ANXA10: variants seen among roughly 807,000 people sequenced by gnomAD.
The protein encoded by ANXA10 is annexin A10.
ANXA10 carries 49 observed loss-of-function variants against 53.5 expected under a neutral mutation model. The ratio of observed to expected loss-of-function variants is 0.92; its 90% CI spans 0.73 to 1.16. The LOEUF (loss-of-function observed/expected upper bound fraction) is 1.16, where lower values mean the gene tolerates loss of function less well. ANXA10 is among the 50% of genes most tolerant of loss of function. The pLI is 0.00. For synonymous variants in ANXA10, 131 were observed against 128.9 expected, an observed-to-expected ratio of 1.02 and a Z score of -0.11; for missense variants, 393 against 394.4, an observed-to-expected ratio of 1.00 and a Z score of 0.03.
intron 1 of ANXA10, among the ~76,000 whole-genome samples, chr4:168,112,505 C>G (rs1458457535): frequency 1.3e-5 from 2 of 152,142 alleles, no homozygotes; most frequent in Non-Finnish European, 2.9e-5. Context: ...ACAATGAGAT[C>G]ATAAATGATT....
chr4:168,124,425 T>C (rs780539244), intron 1 of ANXA10, among the ~76,000 whole-genome samples: 1 of 152,150 alleles, frequency 6.6e-6, no homozygotes, highest in African/African-American at 2.4e-5. Context: ...AAATAAAATA[T>C]GAAACTATCC....
chr4:168,112,483 G>A (rs540501908), intron 1 of ANXA10, among the ~76,000 whole-genome samples: 34 of 152,220 alleles, frequency 2.2e-4, no homozygotes, highest in Admixed American at 3.3e-4. Flanking sequence ...AATATTTAAC[G>A]ATAATTTGTA....
At chr4:168,157,544 G>A (rs981635088) in intron 3 of ANXA10, among the ~76,000 whole-genome samples, 26 of 152,250 alleles carry the variant, frequency 1.7e-4, no homozygotes, top group African/African-American at 5.3e-4. Flanking sequence ...GATTACAGGC[G>A]TAAGCCACCA....
rs575959287 is a variant in ANXA10, at chr4:168,096,534, T to C, written c.18+3816T>C. On this transcript the variant is annotated intron_variant, in intron 1 of 11. Transcript: ENST00000359299. ...AATATACCATTATAACAACCATAGA[T>C]TGGTTTTAATCTAGGGGCTGGGCAA... 3.3e-5 allele frequency among the ~76,000 whole-genome samples: 5 copies of C among 152,154 alleles called. No individual in the cohort carries two copies. The East Asian group carries it at 7.7e-4, about 24-fold the overall frequency.
At chr4:168,095,645 T>C (rs1332184624) in intron 1 of ANXA10, among the ~76,000 whole-genome samples, 2 of 152,168 alleles carry the variant, frequency 1.3e-5, no homozygotes, top group Non-Finnish European at 2.9e-5. Context: ...TACTAGATAT[T>C]CTACCCAAAT....
At chr4:168,157,714 A>T (rs1007005237) in intron 3 of ANXA10, among the ~76,000 whole-genome samples, 5 of 152,188 alleles carry the variant, frequency 3.3e-5, no homozygotes, top group African/African-American at 1.2e-4. Context: ...ATATAAATGT[A>T]ATCATGTCAT....
intron 3 of ANXA10, among the ~76,000 whole-genome samples, chr4:168,148,674 TAA>T (rs971232006): frequency 1.1e-4 from 16 of 152,218 alleles, no homozygotes; most frequent in African/African-American, 3.9e-4. Context: ...TGCCATTGTA[TAA>T]GTTAGTGTTT....
At chr4:168,103,143 C>T (rs1730667529) in intron 1 of ANXA10, among the ~76,000 whole-genome samples, 1 of 151,944 alleles carries the variant, frequency 6.6e-6, no homozygotes, top group Non-Finnish European at 1.5e-5. Context: ...TTTAACAGTG[C>T]TTTTCACCAA....
At chr4:168,177,149 C>T (rs1732146468) in intron 6 of ANXA10, among the ~76,000 whole-genome samples, 1 of 152,170 alleles carries the variant, frequency 6.6e-6, no homozygotes, top group African/African-American at 2.4e-5. Flanking sequence ...TCCTTCTCCC[C>T]ACTGGCCCTC....
chr4:168,109,558 T>C (rs1006337244), intron 1 of ANXA10, among the ~76,000 whole-genome samples: 16 of 152,166 alleles, frequency 1.1e-4, no homozygotes, highest in Admixed American at 1.0e-3. Context: ...GTTAGTATTA[T>C]TTTTTAAAAT....
chr4:168,134,446 G>A (rs924250529), intron 2 of ANXA10, among the ~76,000 whole-genome samples: 20 of 152,038 alleles, frequency 1.3e-4, no homozygotes, highest in Admixed American at 4.6e-4. Flanking sequence ...AATTCAGAGC[G>A]CTAGATTGTG....
chr4:168,133,096 T>C (rs534339037), intron 2 of ANXA10, among the ~76,000 whole-genome samples: 1 of 152,226 alleles, frequency 6.6e-6, no homozygotes, highest in South Asian at 2.1e-4. Flanking sequence ...GCAATCTATG[T>C]AGTGACACAA....
chr4:168,126,586 G>A lies in ANXA10; in HGVS notation c.19-1498G>A, dbSNP rs112204672. Among the ~76,000 whole-genome samples the A allele has an allele frequency of 2.3e-3, 354 of 152,140 alleles. 1 individual carries two copies. The highest frequency in any genetic ancestry group is 8.3e-3 in the African/African-American group (344 of 41,500). ...CGCTTATTCATTCATAGATGTGGTT[G>A]GGGGAAATTTACACCCTCTTATCTA... On this transcript the variant is annotated intron_variant, in intron 1 of 11. Transcript: ENST00000359299.
At chr4:168,133,770 A>G (rs890198967) in intron 2 of ANXA10, among the ~76,000 whole-genome samples, 1 of 152,134 alleles carries the variant, frequency 6.6e-6, no homozygotes, top group Non-Finnish European at 1.5e-5. Flanking sequence ...TTACTAATTC[A>G]GTGTTCATGG....
chr4:168,156,171 T>TTACATTATATATTA lies in ANXA10; in HGVS notation c.196-6355_196-6354insCATTATATATTATA, dbSNP rs1553957741. ...TAATATATATTATATATTATATATA[T>TTACATTATATATTA]TATATTATATATTATATATTATATA... On this transcript the variant is annotated intron_variant, in intron 3 of 11. Coordinates refer to ENST00000359299, the MANE Select transcript of ANXA10 (RefSeq NM_007193.5). Among the ~76,000 whole-genome samples the TTACATTATATATTA allele has an allele frequency of 1.6e-4, 5 of 31,238 alleles. No individual in the cohort carries two copies. The Admixed American group carries it at 2.7e-3, about 17-fold the overall frequency. 20.5% of individuals were successfully genotyped at this position (31,238 alleles called of 152,430 possible).
chr4:168,142,021 C>T (rs1032189800), intron 3 of ANXA10, among the ~76,000 whole-genome samples: 1 of 152,118 alleles, frequency 6.6e-6, no homozygotes, highest in African/African-American at 2.4e-5. Context: ...CAAATTGGTA[C>T]TTGTGCCTAT....
At chr4:168,134,203 T>A (rs1356547024) in intron 2 of ANXA10, among the ~76,000 whole-genome samples, 1 of 152,116 alleles carries the variant, frequency 6.6e-6, no homozygotes, top group Non-Finnish European at 1.5e-5. Context: ...TAAACCTTCT[T>A]GTCATTAGCA....
intron 2 of ANXA10, among the ~76,000 whole-genome samples, chr4:168,129,148 A>C (rs1731119254): frequency 1.3e-5 from 2 of 152,144 alleles, no homozygotes; most frequent in African/African-American, 4.8e-5. Flanking sequence ...GGTCGCCTTT[A>C]CAGGAGCTTG....
At chr4:168,127,825 T>C in intron 1 of ANXA10, 1 of 357,476 alleles carries the variant, frequency 2.8e-6, no homozygotes, top group Non-Finnish European at 5.0e-6. Context: ...ACCTTTTTTT[T>C]TTTTTTTTTT....
Sources: gnomAD v4.1 joint callset for allele counts (sites outside exome capture counted in the v4.1 genomes callset) on GRCh38, gnomAD v4.1.1 for gene constraint, MANE v1.5 for transcripts, NCBI Gene and HGNC (gene_info 2026-07-23, HGNC 2026-07-21) for gene names.